The following FRMD4A variants were observed in gnomAD, a reference collection of about 807,000 sequenced individuals.
The protein encoded by FRMD4A is FERM domain containing 4A, also known as FERM domain-containing protein 4A.
In FRMD4A, 29 loss-of-function variants were observed where a neutral mutation model predicts 129.1. That is an observed-to-expected ratio of 0.22 (90% confidence interval 0.17 to 0.31). The LOEUF (loss-of-function observed/expected upper bound fraction) is 0.31. FRMD4A is among the 10% of genes least tolerant of loss of function. The pLI is 1.00. For missense variants in FRMD4A, 1,272 were observed against 1,375.8 expected, an observed-to-expected ratio of 0.92 and a Z score of 1.19; for synonymous variants, 634 against 571.6, an observed-to-expected ratio of 1.11 and a Z score of -1.56.
At chr10:14,056,130 C>T (rs1834518056) in intron 2 of FRMD4A, among the ~76,000 whole-genome samples, 1 of 152,168 alleles carries the variant, frequency 6.6e-6, no homozygotes, top group Admixed American at 6.5e-5. Context: ...CTCCCATGTT[C>T]AAGCAATTCT....
At chr10:13,660,237 A>C (rs2082532405) in intron 20 of FRMD4A, 79 bp downstream of exon 20, 4 of 902,818 alleles carry the variant, frequency 4.4e-6, no homozygotes, top group Non-Finnish European at 7.2e-6. Flanking sequence ...GTCACCGTGG[A>C]TGCTACTTGG....
At chr10:13,825,208 A>C (rs1293442590) in intron 3 of FRMD4A, among the ~76,000 whole-genome samples, 1 of 152,242 alleles carries the variant, frequency 6.6e-6, no homozygotes. Context: ...CTACACTTGC[A>C]CTTTGAGGCC....
At chr10:14,084,600 T>G (rs889528175) in intron 2 of FRMD4A, among the ~76,000 whole-genome samples, 2 of 152,218 alleles carry the variant, frequency 1.3e-5, no homozygotes, top group Admixed American at 1.3e-4. Flanking sequence ...AACTTGCTCA[T>G]AAGCACACTT....
At chr10:14,272,385 G>A (rs1039362448) in intron 2 of FRMD4A, among the ~76,000 whole-genome samples, 5 of 152,102 alleles carry the variant, frequency 3.3e-5, no homozygotes, top group Non-Finnish European at 7.3e-5. Flanking sequence ...CATGGGGTGA[G>A]GGCTATATGT....
chr10:13,690,854 G>A (rs895245591), intron 15 of FRMD4A, among the ~76,000 whole-genome samples: 8 of 152,186 alleles, frequency 5.3e-5, no homozygotes, highest in African/African-American at 1.9e-4. Context: ...TATCTATTAG[G>A]TGTACAGATG....
chr10:13,995,545 A>G (rs1030320722), intron 2 of FRMD4A, among the ~76,000 whole-genome samples: 15 of 152,238 alleles, frequency 9.9e-5, no homozygotes, highest in Non-Finnish European at 5.9e-5. Flanking sequence ...AGATTGTGCC[A>G]CTGCACTCCA....
intron 2 of FRMD4A, among the ~76,000 whole-genome samples, chr10:13,912,302 T>A (rs532635091): frequency 1.3e-5 from 2 of 152,120 alleles, no homozygotes; most frequent in Non-Finnish European, 2.9e-5. Context: ...GTAGCTACTT[T>A]GGAAAACAGC....
chr10:13,904,127 A>G (rs1260487569), intron 2 of FRMD4A, among the ~76,000 whole-genome samples: 1 of 152,200 alleles, frequency 6.6e-6, no homozygotes, highest in Non-Finnish European at 1.5e-5. Flanking sequence ...GGGACATGAC[A>G]GTGAACAGAT....
intron 2 of FRMD4A, among the ~76,000 whole-genome samples, chr10:13,881,107 G>A (rs555124376): frequency 6.6e-6 from 1 of 152,158 alleles, no homozygotes; most frequent in African/African-American, 2.4e-5. Flanking sequence ...GGTTTGCCAG[G>A]GTAGCATTTT....
intron 2 of FRMD4A, among the ~76,000 whole-genome samples, chr10:14,228,388 A>C (rs143028422): frequency 7.7e-4 from 117 of 152,274 alleles, no homozygotes; most frequent in East Asian, 6.9e-3. Flanking sequence ...CTTAATTATT[A>C]ATAATGTTCC....
At chr10:14,050,707 T>C (rs1237842975) in intron 2 of FRMD4A, among the ~76,000 whole-genome samples, 1 of 152,118 alleles carries the variant, frequency 6.6e-6, no homozygotes, top group Non-Finnish European at 1.5e-5. Context: ...CAACCACGCC[T>C]ATGTAATGAA....
At chr10:14,057,322 C>T (rs1449132596) in intron 2 of FRMD4A, among the ~76,000 whole-genome samples, 1 of 152,200 alleles carries the variant, frequency 6.6e-6, no homozygotes, top group Non-Finnish European at 1.5e-5. Context: ...GAGACTTCCC[C>T]CCCATTCAGC....
intron 4 of FRMD4A, among the ~76,000 whole-genome samples, chr10:13,806,201 C>T (rs897929949): frequency 5.3e-5 from 8 of 151,814 alleles, no homozygotes; most frequent in Admixed American, 3.9e-4. Flanking sequence ...TGCCCAGGCT[C>T]GTCTTGAACT....
intron 2 of FRMD4A, among the ~76,000 whole-genome samples, chr10:14,092,243 G>A (rs966561636): frequency 2.6e-5 from 4 of 152,290 alleles, no homozygotes; most frequent in Admixed American, 6.5e-5. Context: ...GACAGTGACC[G>A]GGTAAATACT....
chr10:14,303,637 CAG>C (rs1846256850), intron 2 of FRMD4A, among the ~76,000 whole-genome samples: 1 of 152,146 alleles, frequency 6.6e-6, no homozygotes. Context: ...AAGCAGGAGA[CAG>C]GGGCTGACAC....
At chr10:13,778,513 A>G (rs2092656011) in intron 6 of FRMD4A, among the ~76,000 whole-genome samples, 1 of 152,074 alleles carries the variant, frequency 6.6e-6, no homozygotes, top group South Asian at 2.1e-4. Context: ...TATTCTGAAC[A>G]TTTGTAATTG....
chr10:13,939,405 T>A (rs560430754), intron 2 of FRMD4A, among the ~76,000 whole-genome samples: 102 of 152,350 alleles, frequency 6.7e-4, no homozygotes, highest in African/African-American at 2.4e-3. Flanking sequence ...GGAAGCATTT[T>A]AGCTTGGCCA....
chr10:14,132,034 C>T (rs1159352960), intron 2 of FRMD4A, among the ~76,000 whole-genome samples: 1 of 152,148 alleles, frequency 6.6e-6, no homozygotes, highest in East Asian at 1.9e-4. Flanking sequence ...GTCTGTAATC[C>T]CAGCACTTCG....
chr10:14,213,846 C>T (rs1397436541), intron 2 of FRMD4A, among the ~76,000 whole-genome samples: 1 of 152,224 alleles, frequency 6.6e-6, no homozygotes, highest in Non-Finnish European at 1.5e-5. Context: ...ATAAAGTTCT[C>T]ATGGTAGTGA....
Sources: gnomAD v4.1 joint callset for allele counts (sites outside exome capture counted in the v4.1 genomes callset) on GRCh38, gnomAD v4.1.1 for gene constraint, MANE v1.5 for transcripts, NCBI Gene and HGNC (gene_info 2026-07-23, HGNC 2026-07-21) for gene names.